NEDD8: variants seen among roughly 807,000 people sequenced by gnomAD.
NEDD8 encodes the protein NEDD8 ubiquitin like modifier.
In NEDD8, 1 loss-of-function variant was observed where a neutral mutation model predicts 13.8. The ratio of observed to expected loss-of-function variants is 0.07; its 90% confidence interval spans 0.03 to 0.34. The LOEUF (loss-of-function observed/expected upper bound fraction) is 0.34. Among genes scored for constraint, NEDD8 ranks in the 10% least tolerant of loss-of-function variants. NEDD8 has a pLI of 0.99. For missense variants in NEDD8, 10 were observed against 95.2 expected, an observed-to-expected ratio of 0.10 and a Z score of 3.73; for synonymous variants, 31 against 33.2, an observed-to-expected ratio of 0.93 and a Z score of 0.23.
chr14:24,220,092 T>C (rs1182582004), intron 1 of NEDD8, among the ~76,000 whole-genome samples: 1 of 152,206 alleles, frequency 6.6e-6, no homozygotes, highest in African/African-American at 2.4e-5. Flanking sequence ...TGAGCTGAGA[T>C]TGTGCCATTG....
chr14:24,220,472 G>A (rs369607197), intron 1 of NEDD8, among the ~76,000 whole-genome samples: 1 of 152,056 alleles, frequency 6.6e-6, no homozygotes, highest in East Asian at 1.9e-4. Context: ...CAGGGTGTGT[G>A]CACCACCACA....
intron 1 of NEDD8, among the ~76,000 whole-genome samples, chr14:24,229,932 G>A (rs766095409): frequency 1.3e-4 from 20 of 152,056 alleles, no homozygotes; most frequent in South Asian, 4.2e-4. Context: ...TTAGCTGGGC[G>A]TGGTGGCACA....
At chr14:24,223,798 T>C (rs1485799864) in intron 1 of NEDD8, among the ~76,000 whole-genome samples, 2 of 151,758 alleles carry the variant, frequency 1.3e-5, no homozygotes, top group Non-Finnish European at 2.9e-5. Flanking sequence ...TGCTGTGGCA[T>C]CATCTGGCTC....
chr14:24,223,510 A>G (rs987665196), intron 1 of NEDD8, among the ~76,000 whole-genome samples: 14 of 152,136 alleles, frequency 9.2e-5, no homozygotes, highest in Non-Finnish European at 1.8e-4. Flanking sequence ...TTATACACCC[A>G]ACTTGTTCTA....
At chr14:24,227,183 T>C (rs2039903409) in intron 1 of NEDD8, 2 of 152,226 alleles carry the variant, frequency 1.3e-5, no homozygotes, top group Admixed American at 1.3e-4. Flanking sequence ...TACATGAACG[T>C]ATGCTATTGT....
At chr14:24,222,140 G>A (rs1012767805) in intron 1 of NEDD8, among the ~76,000 whole-genome samples, 2 of 152,052 alleles carry the variant, frequency 1.3e-5, no homozygotes, top group Admixed American at 1.3e-4. Context: ...ATGTCCAAAA[G>A]TATACCTACA....
chr14:24,231,241 G>A (rs2040007475), intron 1 of NEDD8, among the ~76,000 whole-genome samples: 1 of 152,030 alleles, frequency 6.6e-6, no homozygotes, highest in African/African-American at 2.4e-5. Context: ...TTAAATTGAT[G>A]TTACGACTCT....
chr14:24,221,437 G>A (rs1042230353), intron 1 of NEDD8, among the ~76,000 whole-genome samples: 2 of 151,416 alleles, frequency 1.3e-5, no homozygotes, highest in Non-Finnish European at 2.9e-5. Flanking sequence ...GCACCACCAC[G>A]CCTGACTACA....
intron 1 of NEDD8, chr14:24,227,312 A>T (rs1415815621): frequency 6.6e-6 from 1 of 152,254 alleles, no homozygotes; most frequent in Non-Finnish European, 1.5e-5. Context: ...GCAATGAGGA[A>T]ATCAATGAAG....
chr14:24,217,471 G>T (rs2039727731), intron 3 of NEDD8, among the ~76,000 whole-genome samples: 2 of 152,138 alleles, frequency 1.3e-5, no homozygotes, highest in African/African-American at 4.8e-5. Context: ...TGTATTTTTA[G>T]TAAAGATGGG....
intron 1 of NEDD8, among the ~76,000 whole-genome samples, chr14:24,220,759 A>T (rs2039794197): frequency 6.6e-6 from 1 of 152,236 alleles, no homozygotes; most frequent in South Asian, 2.1e-4. Context: ...GGTTAAAAAC[A>T]CATCTACGCA....
chr14:24,232,061 G>T, intron 1 of NEDD8, 189 bp downstream of exon 1: 1 of 813,562 alleles, frequency 1.2e-6, no homozygotes, highest in Non-Finnish European at 1.9e-6. Flanking sequence ...GTCGTCAGGT[G>T]GGACCTGGGC....
At chr14:24,228,079 G>C (rs2138904862) in intron 1 of NEDD8, 1 of 151,982 alleles carries the variant, frequency 6.6e-6, no homozygotes, top group East Asian at 1.9e-4. Flanking sequence ...CTGGGTGACA[G>C]AGTAAGAATG....
intron 1 of NEDD8, among the ~76,000 whole-genome samples, chr14:24,231,047 C>A (rs560739209): frequency 3.3e-5 from 5 of 152,126 alleles, no homozygotes; most frequent in Admixed American, 6.5e-5. Flanking sequence ...GCGCCCAGAC[C>A]CTTGGCTAAT....
At chr14:24,228,748 T>G (rs1198484200) in intron 1 of NEDD8, 1 of 147,764 alleles carries the variant, frequency 6.8e-6, no homozygotes, top group Non-Finnish European at 1.5e-5. Flanking sequence ...AAAAAGGAAC[T>G]GTAATAAAAA....
Position 24,220,421 on chromosome 14 carries a change from A to C in NEDD8, c.19-1990T>G, listed in dbSNP as rs144760499. 4.7e-3 allele frequency among the ~76,000 whole-genome samples: 717 copies of C among 152,292 alleles called. 4 individuals are homozygous for C. The highest frequency in any genetic ancestry group is 0.017 in the African/African-American group (691 of 41,552). ...ACTGCAGCCTTGACCTCCTGGGTTC[A>C]AACAACCCTCCCACCTCAGCCTCCT... On this transcript the variant is annotated intron_variant, in intron 1 of 3. Coordinates refer to ENST00000250495, the MANE Select transcript of NEDD8 (RefSeq NM_006156.3).
chr14:24,228,680 C>G (rs2039937595), intron 1 of NEDD8: 1 of 127,074 alleles, frequency 7.9e-6, no homozygotes, highest in South Asian at 2.5e-4. Context: ...GATGGCACCA[C>G]TGCACCCTAA....
At chr14:24,222,734 A>G (rs1221105632) in intron 1 of NEDD8, among the ~76,000 whole-genome samples, 1 of 152,186 alleles carries the variant, frequency 6.6e-6, no homozygotes, top group Non-Finnish European at 1.5e-5. Context: ...TATAAAAATT[A>G]ATATATTTTA....
chr14:24,218,909 G>A (rs1161779939), intron 1 of NEDD8, among the ~76,000 whole-genome samples: 1 of 152,020 alleles, frequency 6.6e-6, no homozygotes, highest in Admixed American at 6.6e-5. Context: ...ACCAGGCCTG[G>A]CTAATTTTGT....
Sources: allele counts gnomAD v4.1 joint callset (sites outside exome capture counted in the v4.1 genomes callset), GRCh38; gene constraint gnomAD v4.1.1; transcripts MANE v1.5; gene names NCBI Gene and HGNC (gene_info 2026-07-23, HGNC 2026-07-21).